ANO4: variants seen among roughly 807,000 people sequenced by gnomAD.
ANO4 encodes anoctamin 4.
In ANO4, 69 loss-of-function variants were observed where a neutral mutation model predicts 141.9. That is an observed-to-expected ratio of 0.49 (90% CI 0.40 to 0.59). ANO4 has a LOEUF of 0.59. Ranked by LOEUF, ANO4 falls within the 20% of genes least tolerant of loss-of-function variation. ANO4 has a pLI of 0.00. For synonymous variants in ANO4, 350 were observed against 394.3 expected, an observed-to-expected ratio of 0.89 and a Z score of 1.33; for missense variants, 894 against 1,162.2, an observed-to-expected ratio of 0.77 and a Z score of 3.36.
At chr12:100,865,307 A>T (rs2038698457) in intron 1 of ANO4, among the ~76,000 whole-genome samples, 1 of 152,202 alleles carries the variant, frequency 6.6e-6, no homozygotes, top group African/African-American at 2.4e-5. Context: ...CAAAGTTGAC[A>T]AATGGGATCT....
At chr12:100,961,346 G>T (rs2043413535) in intron 5 of ANO4, among the ~76,000 whole-genome samples, 1 of 152,206 alleles carries the variant, frequency 6.6e-6, no homozygotes, top group Non-Finnish European at 1.5e-5. Flanking sequence ...CCCACTGCCG[G>T]TGGTCTTGTG....
chr12:101,015,062 GTCC>G (rs2046259183), intron 8 of ANO4, among the ~76,000 whole-genome samples: 1 of 151,430 alleles, frequency 6.6e-6, no homozygotes, highest in South Asian at 2.1e-4. Context: ...GCTTCAAGCG[GTCC>G]TCCTGCATTT....
chr12:101,013,488 C>T (rs1515551), intron 8 of ANO4, among the ~76,000 whole-genome samples: 45,296 of 151,944 alleles, frequency 0.3, 7,446 homozygotes, highest in Non-Finnish European at 0.38. Context: ...GCTAACCCCT[C>T]CTCTACTCTC....
At position 101,008,564 on chromosome 12, in the gene ANO4, A is replaced by G. The variant is rs376783022; in HGVS notation, c.735-11470A>G. Among the ~76,000 whole-genome samples the G allele has an allele frequency of 3.9e-5, 6 of 152,290 alleles. 1 individual carries two copies. The highest frequency in any genetic ancestry group is 1.4e-4 in the African/African-American group (6 of 41,582). Reference sequence around the variant, plus strand: ...GTAGATCACTATTTACATAATGACTATACAAATGCTACCCAGAGCTAGGTC... The same window carrying G: ...GTAGATCACTATTTACATAATGACTGTACAAATGCTACCCAGAGCTAGGTC... On this transcript the variant is annotated intron_variant, in intron 8 of 27. Coordinates refer to ENST00000392977, the MANE Select transcript of ANO4 (RefSeq NM_001286615.2).
At chr12:101,096,482 G>T in intron 18 of ANO4, 54 bp from the exon 19 acceptor site, 1 of 1,384,724 alleles carries the variant, frequency 7.2e-7, no homozygotes, top group Non-Finnish European at 1.0e-6. Flanking sequence ...AAGAGAGGGA[G>T]TTGAGAGGGG....
rs185877501 is a variant in ANO4 at position 100,944,137 on chromosome 12, G to A, written c.456+1602G>A. On this transcript the variant is annotated intron_variant, in intron 5 of 27. Transcript: ENST00000392977. ...TTCAATGTTATTTCGTGATTTATTC[G>A]TTAGAACTTAAAAAGCCTAATGCTT... is the stretch of plus-strand genomic sequence containing the variant. Among the ~76,000 whole-genome samples, 11 of 152,186 alleles carry A rather than the reference G, an allele frequency of 7.2e-5. No homozygotes were observed. The East Asian group carries it at 1.5e-3, about 21-fold the overall frequency.
intron 1 of ANO4, among the ~76,000 whole-genome samples, chr12:100,815,688 A>T (rs2135718555): frequency 6.6e-6 from 1 of 152,170 alleles, no homozygotes; most frequent in African/African-American, 2.4e-5. Context: ...CCTTCAAATA[A>T]TATTATTTTA....
intron 5 of ANO4, among the ~76,000 whole-genome samples, chr12:100,959,011 A>G (rs1042897284): frequency 1.3e-4 from 20 of 152,220 alleles, no homozygotes; most frequent in African/African-American, 4.8e-4. Flanking sequence ...GATCTCGAAT[A>G]GGTGGGGGAG....
At chr12:100,795,781 G>T (rs1395398150) in intron 1 of ANO4, among the ~76,000 whole-genome samples, 3 of 152,186 alleles carry the variant, frequency 2.0e-5, no homozygotes, top group Admixed American at 6.5e-5. Flanking sequence ...ATACTTTGAG[G>T]TTATTAGAAT....
chr12:100,758,676 A>G (rs1420404714), intron 3 of ANO4, among the ~76,000 whole-genome samples: 2 of 152,198 alleles, frequency 1.3e-5, no homozygotes, highest in Non-Finnish European at 2.9e-5. Flanking sequence ...TAGGACCGCC[A>G]CAACAGAGGA....
intron 15 of ANO4, among the ~76,000 whole-genome samples, chr12:101,080,883 T>TAATATATATATATA (rs1491584060): frequency 2.7e-5 from 2 of 74,102 alleles, no homozygotes; most frequent in East Asian, 1.1e-3. Context: ...TATATATATA[T>TAATATATATATATA]TATATATATA....
In ANO4 at chr12:100,768,217, G is replaced by A. The variant is rs1403907282; in HGVS notation, c.358+28112G>A. On this transcript the variant is annotated intron_variant, in intron 3 of 29. Transcript: ENST00000644049. ...GGTGCCAGGTTTCACTGGTGCTAGG[G>A]TCCGTAGCCAAGTTGGGTGCCCACT... 3.3e-5 allele frequency among the ~76,000 whole-genome samples: 5 copies of A among 152,316 alleles called. No homozygotes were observed. In the East Asian group the frequency reaches 5.8e-4, roughly 18 times the overall value.
chr12:101,126,765 T>C lies in ANO4; in HGVS notation c.2677-114T>C, dbSNP rs7960319. On this transcript the variant is annotated intron_variant, in intron 26 of 27. Transcript: ENST00000392977. ...CTTGCATTACACACGCCTCCCCTGG[T>C]CACTTTGCACTCTCCACATACCCCA... is the stretch of plus-strand genomic sequence containing the variant. 13,222 of 919,774 alleles carry C rather than the reference T, an allele frequency of 0.014. 979 individuals are homozygous for C. The African/African-American group carries it at 0.18, about 12-fold the overall frequency. The allele number at this position is 919,774 out of a possible 1,614,324, so 57.0% of individuals were successfully genotyped here. A position where few individuals can be genotyped will look rare whatever the true frequency, so the allele number is the denominator to read the frequency against.
chr12:101,099,854 G>C (rs1352715346), intron 22 of ANO4, 134 bp downstream of exon 22: 1 of 658,264 alleles, frequency 1.5e-6, no homozygotes, highest in Non-Finnish European at 2.3e-6. Context: ...AGGAAGGCAT[G>C]TCCTGCTTAA....
At chr12:100,789,952 AC>A (rs1044230977), upstream of ANO4, among the ~76,000 whole-genome samples, 1 of 152,186 alleles carries the variant, frequency 6.6e-6, no homozygotes, top group Non-Finnish European at 1.5e-5. Flanking sequence ...ACGAGAAAAA[AC>A]ACTGCGGAAA....
At chr12:101,095,707 G>A (rs2049954901) in intron 18 of ANO4, among the ~76,000 whole-genome samples, 1 of 152,188 alleles carries the variant, frequency 6.6e-6, no homozygotes, top group Non-Finnish European at 1.5e-5. Flanking sequence ...AGGGAATGTG[G>A]AAGCAGACAA....
intron 14 of ANO4, among the ~76,000 whole-genome samples, chr12:101,070,006 A>G (rs567909409): frequency 1.3e-5 from 2 of 152,226 alleles, no homozygotes; most frequent in African/African-American, 4.8e-5. Flanking sequence ...ACTAAAAAAA[A>G]GAAATTGAAG....
At chr12:101,012,135 GA>G (rs1290531510) in intron 8 of ANO4, among the ~76,000 whole-genome samples, 26 of 151,994 alleles carry the variant, frequency 1.7e-4, no homozygotes, top group African/African-American at 6.0e-4. Context: ...ACAGTTTCTG[GA>G]ACACCCAGTG....
intron 1 of ANO4, among the ~76,000 whole-genome samples, chr12:100,861,728 AT>A (rs1183502345): frequency 4.6e-5 from 7 of 152,206 alleles, no homozygotes; most frequent in South Asian, 2.1e-4. Flanking sequence ...TATTTAAAAA[AT>A]GTTTTTGACT....
Sources: gnomAD v4.1 joint callset for allele counts (sites outside exome capture counted in the v4.1 genomes callset) on GRCh38, gnomAD v4.1.1 for gene constraint, MANE v1.5 for transcripts, NCBI Gene and HGNC (gene_info 2026-07-23, HGNC 2026-07-21) for gene names.